Variants in PI4K2B observed in about 807,000 individuals in gnomAD.
PI4K2B encodes the protein phosphatidylinositol 4-kinase type 2 beta.
Under a neutral mutation model 56.6 loss-of-function variants are expected in PI4K2B, and 46 were observed. That is an observed-to-expected ratio of 0.81 (90% CI 0.64 to 1.04). The LOEUF (loss-of-function observed/expected upper bound fraction) is 1.04. Among genes scored for constraint, PI4K2B ranks in the 50% least tolerant of loss-of-function variants. PI4K2B has a pLI of 0.00. For missense variants in PI4K2B, 556 were observed against 607.7 expected (o/e 0.91, Z 0.89); for synonymous variants, 211 against 223.8 (o/e 0.94, Z 0.51).
At chr4:25,263,559 A>G (rs896175473) in intron 6 of PI4K2B, among the ~76,000 whole-genome samples, 191 bp from the exon 7 acceptor site, 1 of 152,170 alleles carries the variant, frequency 6.6e-6, no homozygotes, top group Non-Finnish European at 1.5e-5. Flanking sequence ...AATAGTGGTT[A>G]GGAAATACAC....
At chr4:25,245,808 C>G (rs549954169) in intron 1 of PI4K2B, among the ~76,000 whole-genome samples, 28 of 152,170 alleles carry the variant, frequency 1.8e-4, no homozygotes, top group Non-Finnish European at 2.8e-4. Flanking sequence ...AGTCTCACCA[C>G]TTGGCGATAG....
At position 25,234,071 on chromosome 4, in the gene PI4K2B, C is replaced by T. The variant is rs1184738863; in HGVS notation, c.-93C>T. 7.3e-6 allele frequency: 8 copies of T among 1,090,930 alleles called. No homozygotes were observed. Among genetic ancestry groups the T allele is most frequent in the Non-Finnish European group, 9.3e-6 (8 of 858,024 alleles). 67.6% of individuals were successfully genotyped at this position (1,090,930 alleles called of 1,614,324 possible). A position where few individuals can be genotyped will look rare whatever the true frequency, so the allele number is the denominator to read the frequency against. ...CGCTGGTGAGGTGGCGTCCGTTCTA[C>T]CCGGTCGCTCCCGTTCCGCGCCATG... On this transcript the variant is annotated 5_prime_UTR_variant, in exon 1 of 10. Coordinates refer to ENST00000264864, the MANE Select transcript of PI4K2B (RefSeq NM_018323.4).
chr4:25,235,187 A>G (rs929806904), intron 1 of PI4K2B, among the ~76,000 whole-genome samples: 1 of 152,224 alleles, frequency 6.6e-6, no homozygotes, highest in Non-Finnish European at 1.5e-5. Context: ...TGTGATGGAA[A>G]TAGCAAGAGA....
intron 1 of PI4K2B, among the ~76,000 whole-genome samples, chr4:25,252,063 G>C (rs1716079194): frequency 6.6e-6 from 1 of 152,160 alleles, no homozygotes; most frequent in East Asian, 1.9e-4. Flanking sequence ...CTGACCTCAG[G>C]TGATCCACTC....
intron 1 of PI4K2B, chr4:25,250,588 T>C (rs186684688): frequency 6.6e-6 from 1 of 152,388 alleles, no homozygotes; most frequent in East Asian, 1.9e-4. Context: ...TAGTATCTGT[T>C]CTTACCAGTT....
intron 9 of PI4K2B, among the ~76,000 whole-genome samples, chr4:25,273,887 G>A (rs1362472238): frequency 6.6e-6 from 1 of 152,172 alleles, no homozygotes; most frequent in Admixed American, 6.6e-5. Context: ...ATCTCTTGCC[G>A]TTTTGCCCCT....
chr4:25,262,302 C>A (rs1716508692), intron 6 of PI4K2B, among the ~76,000 whole-genome samples: 1 of 152,056 alleles, frequency 6.6e-6, no homozygotes, highest in African/African-American at 2.4e-5. Flanking sequence ...GGTTGTGCCT[C>A]TGCACTCTAG....
intron 7 of PI4K2B, among the ~76,000 whole-genome samples, chr4:25,264,777 G>A (rs1452602155): frequency 6.6e-6 from 1 of 152,074 alleles, no homozygotes; most frequent in Non-Finnish European, 1.5e-5. Context: ...AGACTGAGGT[G>A]AGAGGATTAC....
Position 25,277,187 on chromosome 4 carries a change from G to C in PI4K2B, c.1446G>C (p.Ter482TyrextTer1). 6.2e-7 allele frequency: 1 copy of C among 1,609,732 alleles called. No individual in the cohort carries two copies. Among genetic ancestry groups the C allele is most frequent in the Non-Finnish European group, 8.5e-7 (1 of 1,176,574 alleles). ...GGAAGCCATTTTTTTCCTCCTGGTA[G>C]TAAATGTCAGAGTAAGAGAAACAAA... ...NCRKPFFSSW* is the reference protein window; with the variant it reads ...NCRKPFFSSWY The change falls in exon 10 of 10, where the codon TAG (stop) becomes TAC (tyrosine). Residue 482 changes from the stop codon to tyrosine (Y), a stop_lost. Transcript: ENST00000264864.
At chr4:25,268,295 G>C (rs1045501594) in intron 7 of PI4K2B, 148 bp from the exon 8 acceptor site, 2 of 600,672 alleles carry the variant, frequency 3.3e-6, no homozygotes, top group African/African-American at 3.8e-5. Flanking sequence ...GAGTAATTTG[G>C]ATTGCAGTGG....
Position 25,244,867 on chromosome 4 carries a change from G to A in PI4K2B, c.269-7454G>A, listed in dbSNP as rs184495220. Among the ~76,000 whole-genome samples, 22 of 151,822 alleles carry A rather than the reference G, an allele frequency of 1.4e-4. No homozygotes were observed. In the East Asian group the frequency reaches 3.3e-3, roughly 23 times the overall value. On this transcript the variant is annotated intron_variant, in intron 1 of 9. Coordinates refer to ENST00000264864, the MANE Select transcript of PI4K2B (RefSeq NM_018323.4). ...ATAGTTGTGCTTAGTGACCCTTACC[G>A]ACCCTTACCGACGCATTCTCAAAAA... is the stretch of plus-strand genomic sequence containing the variant.
intron 5 of PI4K2B, among the ~76,000 whole-genome samples, chr4:25,259,492 G>T (rs1208955274): frequency 6.6e-6 from 1 of 152,086 alleles, no homozygotes; most frequent in African/African-American, 2.4e-5. Flanking sequence ...AGGCTTCATT[G>T]TATAAATTAT....
In PI4K2B at chr4:25,258,931, T is replaced by C. The variant is rs1224321224; in HGVS notation, c.757-106T>C. On this transcript the variant is annotated intron_variant, in intron 4 of 9. Coordinates refer to ENST00000264864, the MANE Select transcript of PI4K2B (RefSeq NM_018323.4). ...TATCTAAATTAGTGTTAAGTTTTCTTATTGTGTTTACATGACATATTTTTT... is the reference window on the plus strand; with the variant it reads ...TATCTAAATTAGTGTTAAGTTTTCTCATTGTGTTTACATGACATATTTTTT... 3 of 538,334 alleles carry C rather than the reference T, an allele frequency of 5.6e-6. No individual in the cohort carries two copies. In the East Asian group the frequency reaches 8.9e-5, roughly 16 times the overall value. The allele number at this position is 538,334 out of a possible 1,614,324, so 33.3% of individuals were successfully genotyped here.
intron 1 of PI4K2B, among the ~76,000 whole-genome samples, chr4:25,235,349 T>C (rs759741412): frequency 6.6e-6 from 1 of 152,158 alleles, no homozygotes; most frequent in Non-Finnish European, 1.5e-5. Flanking sequence ...CCACAGAAAA[T>C]GGAAGTTTCT....
At chr4:25,239,142 T>C (rs894830048) in intron 1 of PI4K2B, among the ~76,000 whole-genome samples, 1 of 152,150 alleles carries the variant, frequency 6.6e-6, no homozygotes, top group Admixed American at 6.5e-5. Context: ...AAAGGTTCTC[T>C]AAGTCCCCAC....
At chr4:25,248,843 C>T (rs1333497186) in intron 1 of PI4K2B, among the ~76,000 whole-genome samples, 1 of 151,198 alleles carries the variant, frequency 6.6e-6, no homozygotes, top group Non-Finnish European at 1.5e-5. Context: ...ATTGATCATT[C>T]TTGGGTGTTT....
chr4:25,241,135 T>G (rs1577676220), intron 1 of PI4K2B, among the ~76,000 whole-genome samples: 1 of 152,390 alleles, frequency 6.6e-6, no homozygotes, highest in East Asian at 1.9e-4. Context: ...GAACTCCCTT[T>G]CTTTCCACAT....
At chr4:25,246,722 G>A (rs1329830459) in intron 1 of PI4K2B, among the ~76,000 whole-genome samples, 5 of 152,194 alleles carry the variant, frequency 3.3e-5, no homozygotes, top group Admixed American at 1.3e-4. Context: ...CCACGGCGGC[G>A]GGGGGAGGCT....
rs1716328493 is a variant in PI4K2B, at chr4:25,258,290, C to T, written c.757-747C>T. 2.7e-5 allele frequency among the ~76,000 whole-genome samples: 4 copies of T among 148,766 alleles called. No individual in the cohort carries two copies. The South Asian group carries it at 8.4e-4, about 31-fold the overall frequency. On this transcript the variant is annotated intron_variant, in intron 4 of 9. Transcript: ENST00000264864. ...TGGTGCAATCTTGGCTCACTGTAAC[C>T]TCTGCCTCCCGAGTTCAAGCGATTC...
Sources: gnomAD v4.1 joint callset for allele counts (sites outside exome capture counted in the v4.1 genomes callset) on GRCh38, gnomAD v4.1.1 for gene constraint, MANE v1.5 for transcripts, NCBI Gene and HGNC (gene_info 2026-07-23, HGNC 2026-07-21) for gene names.